The following CD96 variants were observed in gnomAD, a reference collection of about 807,000 sequenced individuals.
CD96 encodes T-cell surface protein tactile.
Under a neutral mutation model 71.3 loss-of-function variants are expected in CD96, and 70 were observed. That is an observed-to-expected ratio of 0.98 (90% CI 0.81 to 1.20). The LOEUF (loss-of-function observed/expected upper bound fraction) is 1.20. Among genes scored for constraint, CD96 ranks in the 50% most tolerant of loss-of-function variants. The pLI, the probability that CD96 is intolerant of heterozygous loss-of-function variation, is 0.00. For synonymous variants in CD96, 248 were observed against 233.0 expected, an observed-to-expected ratio of 1.06 and a Z score of -0.59; for missense variants, 742 against 677.5, an observed-to-expected ratio of 1.10 and a Z score of -1.06.
chr3:111,579,578 G>A (rs1405202678), intron 4 of CD96: 5 of 336,628 alleles, frequency 1.5e-5, no homozygotes, highest in South Asian at 5.2e-5. Context: ...TCGAGGGGAC[G>A]CATCTGGTAA....
chr3:111,576,914 C>T lies in CD96; in HGVS notation c.544-2113C>T, dbSNP rs891795023. Among the ~76,000 whole-genome samples the T allele has an allele frequency of 2.1e-4, 32 of 152,202 alleles. 1 individual carries two copies. The highest frequency in any genetic ancestry group is 7.2e-4 in the African/African-American group (30 of 41,452). ...GCCACTCATATGTAAGTTCTTGCTA[C>T]TGCCCCCTTTATAACTGAAGACTCT... On this transcript the variant is annotated intron_variant, in intron 3 of 13. Transcript: ENST00000352690.
At chr3:111,640,729 T>C (rs910510423) in intron 12 of CD96, among the ~76,000 whole-genome samples, 2 of 152,218 alleles carry the variant, frequency 1.3e-5, no homozygotes, top group African/African-American at 4.8e-5. Context: ...TCTTAAGAGC[T>C]GTGAGACAGA....
intron 14 of CD96, among the ~76,000 whole-genome samples, chr3:111,659,309 AT>A (rs980862208): frequency 1.4e-4 from 22 of 151,790 alleles, no homozygotes; most frequent in African/African-American, 5.3e-4. Flanking sequence ...CTCTTATTTT[AT>A]TTTTTTGAAG....
intron 8 of CD96, among the ~76,000 whole-genome samples, chr3:111,621,231 C>A (rs1305454618): frequency 1.3e-5 from 2 of 152,164 alleles, no homozygotes; most frequent in South Asian, 2.1e-4. Flanking sequence ...TTTCCTAGAT[C>A]TTTTTCATCA....
intron 8 of CD96, among the ~76,000 whole-genome samples, chr3:111,607,354 T>C (rs1937668431): frequency 6.6e-6 from 1 of 152,228 alleles, no homozygotes; most frequent in Admixed American, 6.5e-5. Flanking sequence ...CAAAGTTGAC[T>C]GGTAAGGACT....
intron 10 of CD96, among the ~76,000 whole-genome samples, 188 bp downstream of exon 10, chr3:111,624,592 A>C (rs1387381192): frequency 6.6e-6 from 1 of 152,254 alleles, no homozygotes; most frequent in African/African-American, 2.4e-5. Context: ...CTAAGCTCCA[A>C]ATTCTGATTA....
chr3:111,630,030 G>A (rs760259837), intron 10 of CD96, among the ~76,000 whole-genome samples: 15 of 152,026 alleles, frequency 9.9e-5, no homozygotes, highest in Non-Finnish European at 1.6e-4. Flanking sequence ...GAAGGAAATC[G>A]ATAGCACTAA....
Position 111,627,236 on chromosome 3 carries a change from T to C in CD96, c.1321+2832T>C, listed in dbSNP as rs554620306. Among the ~76,000 whole-genome samples, 352 of 152,318 alleles carry C rather than the reference T, an allele frequency of 2.3e-3. 3 individuals are homozygous for C. Among genetic ancestry groups the C allele is most frequent in the Non-Finnish European group, 3.4e-3 (229 of 68,030 alleles). On this transcript the variant is annotated intron_variant, in intron 10 of 13. Transcript: ENST00000352690. ...CTATGGACAGAACTCTGATGTCTCCTTGGGACAGAGTGCCTTGTGGGAGGG... is the reference window on the plus strand; with the variant it reads ...CTATGGACAGAACTCTGATGTCTCCCTGGGACAGAGTGCCTTGTGGGAGGG...
chr3:111,600,685 TA>T lies in CD96; in HGVS notation c.899-37del, dbSNP rs769176748. The T allele has an allele frequency of 2.6e-4, 376 of 1,427,474 alleles. 2 individuals are homozygous for T. The highest frequency in any genetic ancestry group is 7.0e-4 in the Middle Eastern group (4 of 5,712). 88.4% of individuals were successfully genotyped at this position (1,427,474 alleles called of 1,614,324 possible). A position where few individuals can be genotyped will look rare whatever the true frequency, so the allele number is the denominator to read the frequency against. On this transcript the variant is annotated intron_variant, in intron 6 of 13. Transcript: ENST00000352690. ...TTGGCATTATTGTATGGCTCATACA[TA>T]AAATGTTAGTGTTGAACCATGTTCG...
intron 12 of CD96, among the ~76,000 whole-genome samples, chr3:111,639,804 G>A (rs897722490): frequency 1.3e-5 from 2 of 152,110 alleles, no homozygotes; most frequent in African/African-American, 4.8e-5. Context: ...CATATCACAG[G>A]ACTCTATGCA....
At chr3:111,623,915 C>G in intron 9 of CD96, 93 bp downstream of exon 9, 1 of 852,302 alleles carries the variant, frequency 1.2e-6, no homozygotes, top group Non-Finnish European at 2.0e-6. Context: ...TTTCAGCAAA[C>G]AGCTGTATTT....
intron 5 of CD96, chr3:111,593,943 G>A (rs200363231): frequency 1.3e-5 from 21 of 1,613,910 alleles, no homozygotes; most frequent in East Asian, 2.2e-5. Context: ...CCAGGGCCAC[G>A]GCTCACCTGC....
At chr3:111,598,569 T>A (rs2107643876) in intron 6 of CD96, among the ~76,000 whole-genome samples, 1 of 152,374 alleles carries the variant, frequency 6.6e-6, no homozygotes, top group Admixed American at 6.5e-5. Context: ...TTTCCATGTC[T>A]TTCTTATTTC....
chr3:111,661,435 A>G (rs577989709), intron 14 of CD96, among the ~76,000 whole-genome samples: 82 of 152,370 alleles, frequency 5.4e-4, no homozygotes, highest in South Asian at 2.3e-3. Context: ...TCATTCCAAC[A>G]TTAAGTAAAA....
intron 5 of CD96, among the ~76,000 whole-genome samples, chr3:111,591,329 C>T (rs573862047): frequency 2.0e-5 from 3 of 147,298 alleles, no homozygotes; most frequent in South Asian, 2.2e-4. Flanking sequence ...GCCAAGATCG[C>T]GCCACTGCAC....
intron 2 of CD96, among the ~76,000 whole-genome samples, chr3:111,560,497 G>A (rs1466355513): frequency 7.9e-6 from 1 of 126,366 alleles, no homozygotes. Flanking sequence ...TGAAATTCTG[G>A]GTTGAAAATT....
intron 2 of CD96, among the ~76,000 whole-genome samples, chr3:111,558,249 T>A: frequency 2.7e-5 from 2 of 73,950 alleles, no homozygotes; most frequent in Admixed American, 1.4e-4. Context: ...CTATGTTGAA[T>A]AGGAGTGGTG....
rs372870533 is a variant in CD96 at position 111,545,313 on chromosome 3, G to C, written c.329G>C (p.Cys110Ser). The change falls in exon 2 of 14, where the codon TGT becomes TCT. Residue 110 changes from cysteine (C) to serine (S), a missense_variant. Physicochemically the swap from Cys to Ser is moderately radical, Grantham distance 112 (BLOSUM62 -1). Coordinates refer to ENST00000352690, the MANE Select transcript of CD96 (RefSeq NM_005816.5). Reference protein sequence around the residue: ...KWTLHLRNMSCSVSGRYECML... With the variant: ...KWTLHLRNMSSSVSGRYECML... ...ACTCTGCACTTAAGGAATATGTCTT[G>C]TTCAGTCAGTGGAAGGTACGAGTGT... 57 of 1,613,978 alleles carry C rather than the reference G, an allele frequency of 3.5e-5. No individual in the cohort carries two copies. In the African/African-American group the frequency reaches 6.3e-4, roughly 18 times the overall value.
intron 7 of CD96, among the ~76,000 whole-genome samples, chr3:111,604,906 A>G (rs1322315473): frequency 2.0e-5 from 3 of 152,256 alleles, no homozygotes; most frequent in Admixed American, 1.3e-4. Context: ...CTGTGTTCCA[A>G]TAAAATTTTT....
Sources: gnomAD v4.1 joint callset for allele counts (sites outside exome capture counted in the v4.1 genomes callset) on GRCh38, gnomAD v4.1.1 for gene constraint, MANE v1.5 for transcripts, NCBI Gene and HGNC (gene_info 2026-07-23, HGNC 2026-07-21) for gene names.